The following SBF2 variants were observed in gnomAD, a reference collection of about 807,000 sequenced individuals.
SBF2 encodes the protein SET binding factor 2.
A neutral mutation model predicts 225.2 loss-of-function variants in SBF2; 112 were observed. The observed-to-expected ratio is 0.50, with a 90% confidence interval of 0.43 to 0.58. SBF2 has a LOEUF of 0.58. SBF2 is among the 20% of genes least tolerant of loss of function. The pLI is 0.00. For missense variants in SBF2, 1,996 were observed against 2,206.2 expected (o/e 0.90, Z 1.91); for synonymous variants, 763 against 773.3 (o/e 0.99, Z 0.22).
chr11:10,020,015 C>G (rs1948788403), intron 6 of SBF2, among the ~76,000 whole-genome samples: 1 of 152,086 alleles, frequency 6.6e-6, no homozygotes, highest in South Asian at 2.1e-4. Flanking sequence ...ATAAGCAGAG[C>G]AGGAGAACCT....
Position 9,932,976 on chromosome 11 carries a change from A to C in SBF2, c.1860+28981T>G, listed in dbSNP as rs947790816. Reference sequence around the variant, plus strand: ...GAAAAGCAAAAAAAAAAAAAAAAAAAAAAAAAAAAAACAGGTGTTGCAATC... The same window carrying C: ...GAAAAGCAAAAAAAAAAAAAAAAAACAAAAAAAAAAACAGGTGTTGCAATC... On this transcript the variant is annotated intron_variant, in intron 16 of 39. Coordinates refer to ENST00000256190, the MANE Select transcript of SBF2 (RefSeq NM_030962.4). 2.8e-3 allele frequency among the ~76,000 whole-genome samples: 359 copies of C among 128,250 alleles called. 2 individuals carry two copies. The highest frequency in any genetic ancestry group is 7.5e-3 in the African/African-American group (292 of 38,882). The allele number at this position is 128,250 out of a possible 152,430, so 84.1% of individuals were successfully genotyped here.
At chr11:10,286,593 C>T (rs1016814114) in intron 1 of SBF2, among the ~76,000 whole-genome samples, 3 of 151,872 alleles carry the variant, frequency 2.0e-5, no homozygotes, top group Non-Finnish European at 2.9e-5. Flanking sequence ...CTCCTGACCT[C>T]GTGATCCACC....
intron 1 of SBF2, among the ~76,000 whole-genome samples, chr11:10,283,766 T>C (rs1468676047): frequency 2.0e-5 from 3 of 152,222 alleles, no homozygotes; most frequent in Admixed American, 6.5e-5. Flanking sequence ...TAATGATATT[T>C]CTTAATTATT....
In SBF2 at chr11:10,243,229, T is replaced by C. The variant is rs186011340; in HGVS notation, c.56-49242A>G. Reference sequence around the variant, plus strand: ...AAACAATATATTCTGGAACAACTAATGGGTCAAAGAAGAAACCAAAAAGGG... The same window carrying C: ...AAACAATATATTCTGGAACAACTAACGGGTCAAAGAAGAAACCAAAAAGGG... On this transcript the variant is annotated intron_variant, in intron 1 of 39. Coordinates refer to ENST00000256190, the MANE Select transcript of SBF2 (RefSeq NM_030962.4). Among the ~76,000 whole-genome samples the C allele has an allele frequency of 4.6e-4, 70 of 152,106 alleles. 1 individual carries two copies. In the South Asian group the frequency reaches 0.013, roughly 29 times the overall value.
chr11:9,790,231 G>A (rs537172419), intron 34 of SBF2, among the ~76,000 whole-genome samples: 1 of 152,274 alleles, frequency 6.6e-6, no homozygotes, highest in South Asian at 2.1e-4. Flanking sequence ...AGTATTTTAA[G>A]GTTTTTCAGC....
chr11:9,850,280 G>T (rs1180335121), intron 21 of SBF2, 62 bp from the exon 22 acceptor site: 2 of 1,513,742 alleles, frequency 1.3e-6, no homozygotes, highest in East Asian at 2.3e-5. Context: ...TTTGGAGACA[G>T]GGTCTTGCTC....
chr11:9,953,090 T>C (rs975520054), intron 16 of SBF2, among the ~76,000 whole-genome samples: 1 of 152,222 alleles, frequency 6.6e-6, no homozygotes, highest in Non-Finnish European at 1.5e-5. Context: ...CAGCACAATT[T>C]GCAATTGCAA....
At chr11:10,177,592 A>G (rs2135273234) in intron 2 of SBF2, among the ~76,000 whole-genome samples, 1 of 149,456 alleles carries the variant, frequency 6.7e-6, no homozygotes, top group South Asian at 2.1e-4. Flanking sequence ...CCCATTCACA[A>G]TTGCTTCAAA....
Position 9,842,741 on chromosome 11 carries a change from G to A in SBF2, c.3140C>T (p.Ala1047Val). The A allele has an allele frequency of 1.2e-6, 2 of 1,613,854 alleles. No homozygotes were observed. The highest frequency in any genetic ancestry group is 1.7e-6 in the Non-Finnish European group (2 of 1,179,960). The change falls in exon 25 of 40, where the codon GCC (alanine) becomes GTC (valine). Residue 1047 changes from alanine (A) to valine (V), a missense_variant. Coordinates refer to ENST00000256190, the MANE Select transcript of SBF2 (RefSeq NM_030962.4). The part of the protein sequence containing the change: ...RTFSKTIVKG[A>V]KRAGKMTIGR... Reference sequence around the variant, plus strand: ...AATTGTCATTTTCCCTGCCCTTTTGGCACCTTTCACAATTGTTTTTGAGAA... The same window carrying A: ...AATTGTCATTTTCCCTGCCCTTTTGACACCTTTCACAATTGTTTTTGAGAA...
chr11:10,123,751 T>C (rs1953597891), intron 2 of SBF2, among the ~76,000 whole-genome samples: 2 of 152,162 alleles, frequency 1.3e-5, no homozygotes, highest in Non-Finnish European at 2.9e-5. Flanking sequence ...TCTGCATTAT[T>C]CAGACCTAGG....
intron 16 of SBF2, among the ~76,000 whole-genome samples, chr11:9,937,996 A>G (rs553006138): frequency 6.6e-6 from 1 of 152,256 alleles, no homozygotes; most frequent in African/African-American, 2.4e-5. Context: ...TTATAAGAAA[A>G]TATTAAATTT....
At chr11:9,823,881 G>A (rs1854917090) in intron 28 of SBF2, among the ~76,000 whole-genome samples, 1 of 152,154 alleles carries the variant, frequency 6.6e-6, no homozygotes, top group Non-Finnish European at 1.5e-5. Context: ...ACAAGGTTTT[G>A]GAGGCTTTAG....
At chr11:10,092,419 T>C (rs1347347144) in intron 2 of SBF2, among the ~76,000 whole-genome samples, 1 of 152,204 alleles carries the variant, frequency 6.6e-6, no homozygotes, top group African/African-American at 2.4e-5. Context: ...TTTTGCAGCT[T>C]ATGTATGGCT....
intron 2 of SBF2, among the ~76,000 whole-genome samples, chr11:10,172,896 G>A (rs572506678): frequency 8.5e-5 from 13 of 152,122 alleles, no homozygotes; most frequent in Non-Finnish European, 1.8e-4. Context: ...TTGAACTACC[G>A]ATCTCCACTG....
chr11:9,964,565 T>A (rs1312330847), intron 14 of SBF2, among the ~76,000 whole-genome samples: 1 of 152,206 alleles, frequency 6.6e-6, no homozygotes, highest in African/African-American at 2.4e-5. Flanking sequence ...TATTAGATAT[T>A]ACACATTTGA....
At chr11:10,276,557 C>G (rs1001733954) in intron 1 of SBF2, among the ~76,000 whole-genome samples, 4 of 152,194 alleles carry the variant, frequency 2.6e-5, no homozygotes, top group African/African-American at 4.8e-5. Context: ...CCAGTCCCCA[C>G]AATGTATTTA....
intron 2 of SBF2, among the ~76,000 whole-genome samples, chr11:10,046,196 G>A (rs909567553): frequency 1.3e-5 from 2 of 152,120 alleles, no homozygotes; most frequent in African/African-American, 4.8e-5. Context: ...CCAATCCCCT[G>A]CAGATTCCAA....
At chr11:9,832,566 T>C (rs1184636843) in intron 26 of SBF2, 146 bp from the exon 27 acceptor site, 2 of 672,580 alleles carry the variant, frequency 3.0e-6, no homozygotes, top group African/African-American at 1.8e-5. Flanking sequence ...TTCAGAAACA[T>C]ATTAGTTGAA....
intron 2 of SBF2, among the ~76,000 whole-genome samples, chr11:10,163,528 T>C (rs1344483679): frequency 6.6e-6 from 1 of 152,188 alleles, no homozygotes; most frequent in Non-Finnish European, 1.5e-5. Context: ...GCTTACTATA[T>C]ACCAGGAACC....
Sources: allele counts gnomAD v4.1 joint callset (sites outside exome capture counted in the v4.1 genomes callset), GRCh38; gene constraint gnomAD v4.1.1; transcripts MANE v1.5; gene names NCBI Gene and HGNC (gene_info 2026-07-23, HGNC 2026-07-21).